The following SHISA9 variants were observed in gnomAD, a reference collection of about 807,000 sequenced individuals.
SHISA9 encodes the protein shisa family member 9.
Under a neutral mutation model 38.0 loss-of-function variants are expected in SHISA9, and 13 were observed. The observed-to-expected ratio is 0.34, with a 90% CI of 0.22 to 0.54. The LOEUF (loss-of-function observed/expected upper bound fraction) is 0.54, where lower values mean the gene tolerates loss of function less well. Among genes scored for constraint, SHISA9 ranks in the 20% least tolerant of loss-of-function variants. The pLI, the probability that SHISA9 is intolerant of heterozygous loss-of-function variation, is 0.91. For missense variants in SHISA9, 538 were observed against 575.8 expected (o/e 0.93, Z 0.67); for synonymous variants, 275 against 242.0 (o/e 1.14, Z -1.27).
the SHISA9 span, among the ~76,000 whole-genome samples, chr16:13,338,967 G>A: frequency 6.6e-6 from 1 of 152,100 alleles, no homozygotes; most frequent in Non-Finnish European, 1.5e-5. Flanking sequence ...TGGCCTCTTG[G>A]TACATGGAAT....
chr16:13,528,652 C>G, the SHISA9 span, among the ~76,000 whole-genome samples: 1 of 152,124 alleles, frequency 6.6e-6, no homozygotes, highest in Non-Finnish European at 1.5e-5. Context: ...TTGGCTTTGC[C>G]TCTTCGTACA....
intron 2 of SHISA9, among the ~76,000 whole-genome samples, chr16:12,961,882 C>G (rs530530578): frequency 6.6e-6 from 1 of 152,348 alleles, no homozygotes; most frequent in South Asian, 2.1e-4. Flanking sequence ...TACAGCTGGC[C>G]TTTCTCTGCC....
At chr16:13,378,544 A>G in the SHISA9 span, among the ~76,000 whole-genome samples, 1 of 152,204 alleles carries the variant, frequency 6.6e-6, no homozygotes, top group Non-Finnish European at 1.5e-5. Flanking sequence ...TCATGTGCCT[A>G]GAGTGGAGTC....
At chr16:13,393,185 C>T in the SHISA9 span, among the ~76,000 whole-genome samples, 389 of 152,296 alleles carry the variant, frequency 2.6e-3, 6 homozygotes, top group Non-Finnish European at 3.2e-3. Flanking sequence ...TCACTGTATC[C>T]ACTGTTGGGG....
chr16:13,512,549 A>G, the SHISA9 span, among the ~76,000 whole-genome samples: 1 of 152,218 alleles, frequency 6.6e-6, no homozygotes, highest in South Asian at 2.1e-4. Flanking sequence ...CTGTATAGCC[A>G]GGACCATCCT....
In SHISA9 at chr16:12,987,545, G is replaced by A. The variant is rs140892552; in HGVS notation, c.691+70730G>A. ...CATTCATGAGTGGAAGCTGAACAAT[G>A]AGAACACATGGACATGGGGAGGGGA... On this transcript the variant is annotated intron_variant, in intron 2 of 4. Coordinates refer to ENST00000558583, the MANE Select transcript of SHISA9 (RefSeq NM_001145204.3). 6.0e-3 allele frequency among the ~76,000 whole-genome samples: 916 copies of A among 152,238 alleles called. 7 individuals are homozygous for A. The highest frequency in any genetic ancestry group is 0.034 in the Middle Eastern group (10 of 294).
chr16:13,088,127 G>C (rs1256116587), intron 2 of SHISA9, among the ~76,000 whole-genome samples: 1 of 152,182 alleles, frequency 6.6e-6, no homozygotes, highest in Non-Finnish European at 1.5e-5. Context: ...AGATCAGATG[G>C]TTGTAGATGT....
At chr16:13,139,236 T>C (rs1437593100) in intron 2 of SHISA9, among the ~76,000 whole-genome samples, 1 of 150,198 alleles carries the variant, frequency 6.7e-6, no homozygotes, top group East Asian at 2.0e-4. Flanking sequence ...CTTCCTTTCT[T>C]CTTGCCATCT....
chr16:13,098,210 G>C (rs1326866653), intron 2 of SHISA9, among the ~76,000 whole-genome samples: 7 of 152,034 alleles, frequency 4.6e-5, no homozygotes. Flanking sequence ...TGACACTTAG[G>C]GCCTCAGGCA....
chr16:13,016,365 C>T (rs2072757632), intron 2 of SHISA9, among the ~76,000 whole-genome samples: 1 of 152,114 alleles, frequency 6.6e-6, no homozygotes, highest in Admixed American at 6.5e-5. Flanking sequence ...AGTCTTTTTG[C>T]ACACTGTGGA....
chr16:13,326,504 T>C, the SHISA9 span, among the ~76,000 whole-genome samples: 1 of 152,150 alleles, frequency 6.6e-6, no homozygotes, highest in Non-Finnish European at 1.5e-5. Flanking sequence ...GTGGATCACT[T>C]GAGGCCAGGA....
At chr16:13,542,724 C>T in the SHISA9 span, among the ~76,000 whole-genome samples, 1 of 152,178 alleles carries the variant, frequency 6.6e-6, no homozygotes, top group Non-Finnish European at 1.5e-5. Flanking sequence ...AGTTAACTCG[C>T]TTAAATCAAA....
the SHISA9 span, among the ~76,000 whole-genome samples, chr16:13,375,680 C>A: frequency 7.8e-4 from 119 of 151,720 alleles, no homozygotes; most frequent in African/African-American, 2.5e-3. Context: ...AGCCAAAAAA[C>A]AAAAAAACAA....
At chr16:12,985,991 A>G (rs945790148) in intron 2 of SHISA9, among the ~76,000 whole-genome samples, 1 of 152,042 alleles carries the variant, frequency 6.6e-6, no homozygotes, top group African/African-American at 2.4e-5. Context: ...ACTCCAGAGC[A>G]CCCCTGTGGG....
intron 2 of SHISA9, among the ~76,000 whole-genome samples, chr16:13,175,057 T>A (rs1219594842): frequency 6.6e-6 from 1 of 152,164 alleles, no homozygotes; most frequent in African/African-American, 2.4e-5. Context: ...TTGGCTTCAC[T>A]TTCCGTCTTT....
intron 2 of SHISA9, among the ~76,000 whole-genome samples, chr16:12,956,854 T>C (rs2071842389): frequency 6.6e-6 from 1 of 152,096 alleles, no homozygotes; most frequent in Non-Finnish European, 1.5e-5. Context: ...CCCCCAAATC[T>C]AAAGTTAAAA....
chr16:12,909,084 C>G (rs1028721032), intron 1 of SHISA9: 3 of 988,992 alleles, frequency 3.0e-6, no homozygotes, highest in Non-Finnish European at 3.6e-6. Flanking sequence ...AGGCTTTGAC[C>G]AGCTTCCCAG....
the SHISA9 span, among the ~76,000 whole-genome samples, chr16:13,309,704 T>A: frequency 6.6e-6 from 1 of 151,662 alleles, no homozygotes; most frequent in Non-Finnish European, 1.5e-5. Flanking sequence ...AGGGATATAT[T>A]TTTAACTCTT....
intron 2 of SHISA9, among the ~76,000 whole-genome samples, chr16:13,197,149 A>G (rs1255800447): frequency 6.7e-6 from 1 of 149,892 alleles, no homozygotes; most frequent in Non-Finnish European, 1.5e-5. Flanking sequence ...ATATGTGTAT[A>G]TATATATAGA....
Sources: gnomAD v4.1 joint callset for allele counts (sites outside exome capture counted in the v4.1 genomes callset) on GRCh38, gnomAD v4.1.1 for gene constraint, MANE v1.5 for transcripts, NCBI Gene and HGNC (gene_info 2026-07-23, HGNC 2026-07-21) for gene names.